SPIN1: variants seen among roughly 807,000 people sequenced by gnomAD.
SPIN1 encodes the protein spindlin 1, also known as spindlin-1.
SPIN1 carries 3 observed loss-of-function variants against 26.0 expected under a neutral mutation model. That is an observed-to-expected ratio of 0.12 (90% CI 0.05 to 0.30). The LOEUF is 0.30. SPIN1 is among the 10% of genes least tolerant of loss of function. SPIN1 has a pLI of 1.00. For missense variants in SPIN1, 126 were observed against 333.4 expected, an observed-to-expected ratio of 0.38 and a Z score of 4.84; for synonymous variants, 101 against 116.5, an observed-to-expected ratio of 0.87 and a Z score of 0.86.
Position 88,475,616 on chromosome 9 carries a change from T to C in SPIN1, c.*339T>C. 4.7e-6 allele frequency: 1 copy of C among 211,600 alleles called. No homozygotes were observed. The highest frequency in any genetic ancestry group is 9.6e-6 in the Non-Finnish European group (1 of 103,850). The allele number at this position is 211,600 out of a possible 1,614,324, so 13.1% of individuals were successfully genotyped here. A position where few individuals can be genotyped will look rare whatever the true frequency, so the allele number is the denominator to read the frequency against. ...TAACTCTCTTATTCTGCCGCCACAA[T>C]GCAAGCATAGTTTGATGTTTTCGTT... On this transcript the variant is annotated 3_prime_UTR_variant, in exon 6 of 6. Transcript: ENST00000375859.
At position 88,408,981 on chromosome 9, in the gene SPIN1, T is replaced by TTGTGTGTGTGTGTGTGTGTG. The variant is rs148808911; in HGVS notation, c.-158-17391_-158-17372dup. Among the ~76,000 whole-genome samples the TTGTGTGTGTGTGTGTGTGTG allele has an allele frequency of 3.9e-3, 536 of 136,686 alleles. 6 individuals carry two copies. The highest frequency in any genetic ancestry group is 0.024 in the Middle Eastern group (6 of 246). The allele number at this position is 136,686 out of a possible 152,430, so 89.7% of individuals were successfully genotyped here. On this transcript the variant is annotated intron_variant, in intron 1 of 5. Transcript: ENST00000375859. ...CCGGCCCTTTTGTGTTTGTGTGTGTTTGTGTGTGTGTGTGTGTGTGTGTGT... is the reference window on the plus strand; with the variant it reads ...CCGGCCCTTTTGTGTTTGTGTGTGTTTGTGTGTGTGTGTGTGTGTGTGTGTGTGTGTGTGTGTGTGTGTGT...
intron 1 of SPIN1, among the ~76,000 whole-genome samples, chr9:88,414,871 G>A (rs1488714127): frequency 2.6e-5 from 4 of 152,052 alleles, no homozygotes; most frequent in African/African-American, 9.7e-5. Context: ...TTAAAACTTG[G>A]TGTTTTGATA....
chr9:88,462,089 T>TA (rs1491459312), intron 3 of SPIN1, among the ~76,000 whole-genome samples: 1 of 152,232 alleles, frequency 6.6e-6, no homozygotes, highest in Non-Finnish European at 1.5e-5. Flanking sequence ...TATATAAAAC[T>TA]ATATACCTGT....
intron 3 of SPIN1, among the ~76,000 whole-genome samples, chr9:88,458,852 G>C (rs1828524629): frequency 6.6e-6 from 1 of 152,172 alleles, no homozygotes; most frequent in South Asian, 2.1e-4. Context: ...CCTCCTCCGA[G>C]GAGGCCAGTT....
At chr9:88,446,659 C>G (rs1031732056) in intron 2 of SPIN1, among the ~76,000 whole-genome samples, 2 of 152,134 alleles carry the variant, frequency 1.3e-5, no homozygotes, top group Non-Finnish European at 2.9e-5. Flanking sequence ...CCACCCTCCT[C>G]TGTCTCCCAA....
chr9:88,413,214 G>C (rs931198679), intron 1 of SPIN1, among the ~76,000 whole-genome samples: 1 of 149,994 alleles, frequency 6.7e-6, no homozygotes, highest in African/African-American at 2.5e-5. Flanking sequence ...CTACAGGTGC[G>C]TGCCACCACA....
intron 2 of SPIN1, among the ~76,000 whole-genome samples, chr9:88,427,613 C>CTT (rs758308299): frequency 1.4e-5 from 2 of 145,488 alleles, no homozygotes; most frequent in Non-Finnish European, 1.5e-5. Flanking sequence ...TCTTTTTTTT[C>CTT]TTTTTTTTTT....
intron 2 of SPIN1, among the ~76,000 whole-genome samples, chr9:88,436,318 C>G (rs1827997278): frequency 6.6e-6 from 1 of 152,152 alleles, no homozygotes; most frequent in Admixed American, 6.5e-5. Flanking sequence ...TTTAGAGTTG[C>G]AAAGAGATAA....
At chr9:88,461,720 A>G (rs1587813391) in intron 3 of SPIN1, among the ~76,000 whole-genome samples, 3 of 152,158 alleles carry the variant, frequency 2.0e-5, no homozygotes, top group Non-Finnish European at 1.5e-5. Context: ...GCTTGCATCC[A>G]AGAAGCCAGG....
chr9:88,468,085 G>A (rs751674752), intron 4 of SPIN1, among the ~76,000 whole-genome samples: 9 of 151,900 alleles, frequency 5.9e-5, no homozygotes, highest in Admixed American at 1.3e-4. Flanking sequence ...TTTTGATTTG[G>A]GTACAGAACC....
intron 1 of SPIN1, among the ~76,000 whole-genome samples, chr9:88,401,063 C>T (rs1827175579): frequency 6.6e-6 from 1 of 152,128 alleles, no homozygotes; most frequent in South Asian, 2.1e-4. Flanking sequence ...CCTTAAATAA[C>T]TTGCATTGTT....
chr9:88,410,162 A>AGTGT (rs138037814), intron 1 of SPIN1, among the ~76,000 whole-genome samples: 7,248 of 132,946 alleles, frequency 0.055, 448 homozygotes, highest in African/African-American at 0.15. Context: ...GCATATATTT[A>AGTGT]GTGTGTGTGT....
rs111525578 is a variant in SPIN1, at chr9:88,403,982, C to G, written c.-159+15444C>G. ...CTTGCACAAAACTTAGATGGTGTAG[C>G]CTTTGACACACTTAGGCTAAATGGT... On this transcript the variant is annotated intron_variant, in intron 1 of 5. Transcript: ENST00000375859. Among the ~76,000 whole-genome samples, 519 of 152,244 alleles carry G rather than the reference C, an allele frequency of 3.4e-3. 1 individual carries two copies. Among genetic ancestry groups the G allele is most frequent in the Middle Eastern group, 0.014 (4 of 294 alleles).
intron 1 of SPIN1, among the ~76,000 whole-genome samples, chr9:88,407,135 T>TAAAA (rs397893590): frequency 2.4e-5 from 3 of 122,752 alleles, no homozygotes; most frequent in Non-Finnish European, 3.4e-5. Flanking sequence ...GATCTTCCTT[T>TAAAA]AAAAAAAAAA....
chr9:88,446,867 T>G (rs1828261778), intron 2 of SPIN1, among the ~76,000 whole-genome samples: 2 of 152,226 alleles, frequency 1.3e-5, no homozygotes, highest in African/African-American at 4.8e-5. Flanking sequence ...TATCAATGGT[T>G]TTTAGAAATT....
chr9:88,457,766 C>T (rs1828498928), intron 3 of SPIN1: 1 of 916,674 alleles, frequency 1.1e-6, no homozygotes, highest in Non-Finnish European at 1.3e-6. Flanking sequence ...TATTCCTGAA[C>T]TTTACCTGAA....
intron 1 of SPIN1, among the ~76,000 whole-genome samples, chr9:88,393,488 C>T (rs1431554048): frequency 2.4e-5 from 3 of 127,464 alleles, no homozygotes; most frequent in Admixed American, 8.5e-5. Flanking sequence ...CGGAGTCTCC[C>T]TCTGTCACCA....
At chr9:88,395,568 C>G (rs1257286931) in intron 1 of SPIN1, among the ~76,000 whole-genome samples, 1 of 151,966 alleles carries the variant, frequency 6.6e-6, no homozygotes, top group Non-Finnish European at 1.5e-5. Flanking sequence ...AAGGTAAACA[C>G]ATTTGTAGTT....
chr9:88,435,874 A>G (rs767793024), intron 2 of SPIN1, among the ~76,000 whole-genome samples: 31 of 152,062 alleles, frequency 2.0e-4, no homozygotes, highest in Admixed American at 1.3e-3. Flanking sequence ...GGTTATATCT[A>G]TGGTTTCTCA....
Sources: allele counts gnomAD v4.1 joint callset (sites outside exome capture counted in the v4.1 genomes callset), GRCh38; gene constraint gnomAD v4.1.1; transcripts MANE v1.5; gene names NCBI Gene and HGNC (gene_info 2026-07-23, HGNC 2026-07-21).